Variants in HTRA3 observed in about 807,000 individuals in gnomAD.
The protein encoded by HTRA3 is HtrA serine peptidase 3, also known as serine protease HTRA3.
Under a neutral mutation model 43.2 loss-of-function variants are expected in HTRA3, and 41 were observed. The observed-to-expected ratio is 0.95, with a 90% CI of 0.74 to 1.23. HTRA3 has a LOEUF of 1.23. Among genes scored for constraint, HTRA3 ranks in the 50% most tolerant of loss-of-function variants. HTRA3 has a pLI of 0.00. For missense variants in HTRA3, 628 were observed against 647.1 expected, an observed-to-expected ratio of 0.97 and a Z score of 0.32; for synonymous variants, 295 against 287.9, an observed-to-expected ratio of 1.02 and a Z score of -0.25.
At chr4:8,293,853 G>A (rs1713338245) in intron 5 of HTRA3, among the ~76,000 whole-genome samples, 1 of 152,128 alleles carries the variant, frequency 6.6e-6, no homozygotes, top group African/African-American at 2.4e-5. Context: ...CGAGCTGCAA[G>A]CTTCCCTGGA....
At chr4:8,303,539 C>T (rs1713733726) in intron 7 of HTRA3, among the ~76,000 whole-genome samples, 1 of 152,216 alleles carries the variant, frequency 6.6e-6, no homozygotes, top group African/African-American at 2.4e-5. Flanking sequence ...CTCGAGAATG[C>T]TCAAGTGACC....
chr4:8,292,286 T>C, intron 4 of HTRA3, 35 bp from the exon 5 acceptor site: 3 of 1,605,146 alleles, frequency 1.9e-6, no homozygotes, highest in African/African-American at 1.3e-5. Context: ...TCAGGCGGGG[T>C]CAGGCACAGC....
chr4:8,293,707 T>C (rs1713331701), intron 5 of HTRA3, among the ~76,000 whole-genome samples: 1 of 152,054 alleles, frequency 6.6e-6, no homozygotes, highest in African/African-American at 2.4e-5. Flanking sequence ...AAGGTAGGGA[T>C]AGACAGGGTC....
At chr4:8,289,041 C>T (rs1713119585) in intron 3 of HTRA3, among the ~76,000 whole-genome samples, 1 of 151,640 alleles carries the variant, frequency 6.6e-6, no homozygotes, top group Admixed American at 6.6e-5. Context: ...CGTCAAACTC[C>T]TGGGCTTAAG....
chr4:8,290,748 A>C (rs1211630691), intron 3 of HTRA3, among the ~76,000 whole-genome samples: 1 of 152,232 alleles, frequency 6.6e-6, no homozygotes, highest in Non-Finnish European at 1.5e-5. Flanking sequence ...GCAGAGTCAG[A>C]TAATCAGACA....
Position 8,291,539 on chromosome 4 carries a change from A to G in HTRA3, c.878A>G (p.Tyr293Cys). Residue 293 changes from tyrosine (Y) to cysteine (C), a missense_variant, in exon 4 of 9, where the codon TAC (tyrosine) becomes TGC (cysteine). Tyr to Cys is a radical substitution (Grantham distance 194, BLOSUM62 -2). Transcript: ENST00000307358. ...GGCCTCCGGGACTCCGACATGGACT[A>G]CATCCAGACGGATGCCATCATCAAC... ...ELGLRDSDMD[Y>C]IQTDAIINYG... is the part of the protein sequence containing the mutation. 1.2e-6 allele frequency: 2 copies of G among 1,601,790 alleles called. No individual in the cohort carries two copies. Among genetic ancestry groups the G allele is most frequent in the Non-Finnish European group, 1.7e-6 (2 of 1,172,850 alleles).
At chr4:8,282,255 G>T (rs144067760) in intron 1 of HTRA3, among the ~76,000 whole-genome samples, 182 bp from the exon 2 acceptor site, 17 of 152,304 alleles carry the variant, frequency 1.1e-4, no homozygotes, top group Non-Finnish European at 1.9e-4. Flanking sequence ...CCAAATGCCT[G>T]GTGTCACTGC....
chr4:8,289,016 C>T (rs1299749717), intron 3 of HTRA3, among the ~76,000 whole-genome samples: 2 of 150,690 alleles, frequency 1.3e-5, no homozygotes, highest in African/African-American at 4.9e-5. Context: ...GTGGCACAAT[C>T]ACAGCTCACT....
chr4:8,278,139 A>G (rs148071231), intron 1 of HTRA3, among the ~76,000 whole-genome samples: 311 of 152,178 alleles, frequency 2.0e-3, no homozygotes, highest in African/African-American at 7.1e-3. Context: ...CATGGCAGTT[A>G]TGACTGTCCA....
At chr4:8,292,651 C>T (rs979643039) in intron 5 of HTRA3, among the ~76,000 whole-genome samples, 4 of 152,240 alleles carry the variant, frequency 2.6e-5, no homozygotes, top group Non-Finnish European at 1.5e-5. Flanking sequence ...GGCTGCTCAC[C>T]TCAGCCCTCC....
In HTRA3 at chr4:8,296,235, T is replaced by C; in HGVS notation, c.1051+2034T>C. ...CCTGAGACAGGATCCCCCTGGGGCCTAGGTTTGCTCCTTTGTTGTACAGGG... is the reference window on the plus strand; with the variant it reads ...CCTGAGACAGGATCCCCCTGGGGCCCAGGTTTGCTCCTTTGTTGTACAGGG... On this transcript the variant is annotated intron_variant, in intron 6 of 8. Coordinates refer to ENST00000307358, the MANE Select transcript of HTRA3 (RefSeq NM_053044.5). The surrounding 1 kb of genome is among the most constrained non-coding windows in gnomAD (Gnocchi z 5.3). The C allele has an allele frequency of 5.1e-6, 5 of 985,698 alleles. No homozygotes were observed. Among genetic ancestry groups the C allele is most frequent in the Non-Finnish European group, 6.0e-6 (5 of 830,118 alleles). The allele number at this position is 985,698 out of a possible 1,614,324, so 61.1% of individuals were successfully genotyped here.
In HTRA3 at chr4:8,295,536, C is replaced by T. The variant is rs138948311; in HGVS notation, c.1051+1335C>T. Among the ~76,000 whole-genome samples, 504 of 152,368 alleles carry T rather than the reference C, an allele frequency of 3.3e-3. 1 individual carries two copies. Among genetic ancestry groups the T allele is most frequent in the South Asian group, 0.017 (81 of 4,828 alleles). On this transcript the variant is annotated intron_variant, in intron 6 of 8. Coordinates refer to ENST00000307358, the MANE Select transcript of HTRA3 (RefSeq NM_053044.5). This position sits in a 1 kb window ranked among gnomAD's most constrained non-coding sequence, Gnocchi z 6.9. ...TCCAGAGCAGGGCCATGCTTCCAAT[C>T]GCAGGGCCTTTCCTGGGGGCCTCTC...
At position 8,297,004 on chromosome 4, in the gene HTRA3, T is replaced by C. The variant is rs967768971; in HGVS notation, c.1051+2803T>C. 6.6e-6 allele frequency among the ~76,000 whole-genome samples: 1 copy of C among 152,084 alleles called. No homozygotes were observed. Among genetic ancestry groups the C allele is most frequent in the South Asian group, 2.1e-4 (1 of 4,824 alleles). ...TGGTCTCAAAAACCGTAAGTTTCCC[T>C]GGTCTCAGAGTTCACAGGGTTCCCC... On this transcript the variant is annotated intron_variant, in intron 6 of 8. Coordinates refer to ENST00000307358, the MANE Select transcript of HTRA3 (RefSeq NM_053044.5). The surrounding 1 kb of genome is among the most constrained non-coding windows in gnomAD (Gnocchi z 5.8).
intron 6 of HTRA3, among the ~76,000 whole-genome samples, chr4:8,299,283 C>T (rs1578806670): frequency 6.6e-6 from 1 of 152,212 alleles, no homozygotes; most frequent in Non-Finnish European, 1.5e-5. Flanking sequence ...TCAGTTTCTG[C>T]TGGTTGGTTA....
intron 1 of HTRA3, among the ~76,000 whole-genome samples, chr4:8,278,390 G>GA (rs137976560): frequency 0.03 from 3,717 of 125,760 alleles, 92 homozygotes; most frequent in African/African-American, 0.069. Flanking sequence ...GTTTATTGAG[G>GA]AAAAAAAAAA....
At position 8,280,533 on chromosome 4, in the gene HTRA3, G is replaced by A. The variant is rs369690264; in HGVS notation, c.386-1904G>A. On this transcript the variant is annotated intron_variant, in intron 1 of 8. Coordinates refer to ENST00000307358, the MANE Select transcript of HTRA3 (RefSeq NM_053044.5). Reference sequence around the variant, plus strand: ...CAGGCCTGGGCTGCCCACTCGGGCCGCACGGCAGCTTCACCTCACCAAGGG... The same window carrying A: ...CAGGCCTGGGCTGCCCACTCGGGCCACACGGCAGCTTCACCTCACCAAGGG... 4.0e-3 allele frequency among the ~76,000 whole-genome samples: 605 copies of A among 152,298 alleles called. 1 individual carries two copies. Among genetic ancestry groups the A allele is most frequent in the Middle Eastern group, 0.014 (4 of 294 alleles).
rs968457984 is a variant in HTRA3 at position 8,286,939 on chromosome 4, G to A, written c.708+156G>A. On this transcript the variant is annotated intron_variant, in intron 3 of 8. Transcript: ENST00000307358. The surrounding 1 kb of genome is among the most constrained non-coding windows in gnomAD (Gnocchi z 4.9). Reference sequence around the variant, plus strand: ...GGACTGGCAGCTGGCCCAGGGTCACGGCTTGGAAAAGACCTAGAACCCAGG... The same window carrying A: ...GGACTGGCAGCTGGCCCAGGGTCACAGCTTGGAAAAGACCTAGAACCCAGG... Among the ~76,000 whole-genome samples, 5 of 152,182 alleles carry A rather than the reference G, an allele frequency of 3.3e-5. No homozygotes were observed. The highest frequency in any genetic ancestry group is 5.9e-5 in the Non-Finnish European group (4 of 68,028).
Position 8,296,850 on chromosome 4 carries a change from G to C in HTRA3, c.1051+2649G>C, listed in dbSNP as rs1397092386. 6.6e-6 allele frequency among the ~76,000 whole-genome samples: 1 copy of C among 152,262 alleles called. No individual in the cohort carries two copies. The highest frequency in any genetic ancestry group is 2.1e-4 in the South Asian group (1 of 4,828). On this transcript the variant is annotated intron_variant, in intron 6 of 8. Coordinates refer to ENST00000307358, the MANE Select transcript of HTRA3 (RefSeq NM_053044.5). The surrounding 1 kb of genome is among the most constrained non-coding windows in gnomAD (Gnocchi z 5.3). ...CAAGGGAGAGCTGTAGGGAGGGGAG[G>C]GGACAGGGACAAAGACATGTGCTTT...
In HTRA3 at chr4:8,296,948, G is replaced by C. The variant is rs1298252260; in HGVS notation, c.1051+2747G>C. 6.6e-6 allele frequency among the ~76,000 whole-genome samples: 1 copy of C among 152,090 alleles called. No individual in the cohort carries two copies. Among genetic ancestry groups the C allele is most frequent in the Admixed American group, 6.5e-5 (1 of 15,272 alleles). ...ATTCCTCGATCTCAGAGGCCACAGG[G>C]TTCCTTAGTCTCAGAAGTCACAGGG... On this transcript the variant is annotated intron_variant, in intron 6 of 8. Transcript: ENST00000307358. This position sits in a 1 kb window ranked among gnomAD's most constrained non-coding sequence, Gnocchi z 5.3.
Sources: gnomAD v4.1 joint callset for allele counts (sites outside exome capture counted in the v4.1 genomes callset) on GRCh38, gnomAD v4.1.1 for gene constraint, Gnocchi (gnomAD v3.1) non-coding constraint, MANE v1.5 for transcripts, NCBI Gene and HGNC (gene_info 2026-07-23, HGNC 2026-07-21) for gene names.